LRRC4C: variants seen among roughly 807,000 people sequenced by gnomAD.
LRRC4C encodes leucine rich repeat containing 4C.
Under a neutral mutation model 33.6 loss-of-function variants are expected in LRRC4C, and 5 were observed. The observed-to-expected ratio is 0.15, with a 90% CI of 0.08 to 0.31. The LOEUF (loss-of-function observed/expected upper bound fraction) is 0.31, where lower values mean the gene tolerates loss of function less well. Among genes scored for constraint, LRRC4C ranks in the 10% least tolerant of loss-of-function variants. The pLI, the probability that LRRC4C is intolerant of heterozygous loss-of-function variation, is 1.00. For missense variants in LRRC4C, 560 were observed against 796.7 expected (o/e 0.70, Z 3.58); for synonymous variants, 329 against 302.0 (o/e 1.09, Z -0.93).
intron 3 of LRRC4C, among the ~76,000 whole-genome samples, chr11:40,382,850 T>C (rs1028491684): frequency 2.0e-5 from 3 of 151,780 alleles, no homozygotes; most frequent in Non-Finnish European, 2.9e-5. Flanking sequence ...CCCGCCACCA[T>C]GCCCAGCTAA....
At chr11:40,766,647 C>G (rs911349063) in intron 2 of LRRC4C, among the ~76,000 whole-genome samples, 2 of 151,996 alleles carry the variant, frequency 1.3e-5, no homozygotes, top group Non-Finnish European at 2.9e-5. Context: ...TATTAGATTT[C>G]TCTTTGACAC....
chr11:40,157,498 G>A (rs973556859), intron 5 of LRRC4C, among the ~76,000 whole-genome samples: 2 of 152,026 alleles, frequency 1.3e-5, no homozygotes, highest in African/African-American at 2.4e-5. Flanking sequence ...GAAAATCTTC[G>A]CAATCTATAC....
chr11:40,640,892 T>C (rs2136085592), intron 3 of LRRC4C, among the ~76,000 whole-genome samples: 1 of 151,822 alleles, frequency 6.6e-6, no homozygotes, highest in Middle Eastern at 3.4e-3. Context: ...GGCGGGCGCC[T>C]GTAGTCCCAG....
intron 2 of LRRC4C, among the ~76,000 whole-genome samples, chr11:40,772,086 A>G (rs1949780643): frequency 6.6e-6 from 1 of 152,174 alleles, no homozygotes; most frequent in South Asian, 2.1e-4. Context: ...TCACACTGCT[A>G]TAAAGAACTG....
chr11:40,395,419 C>T (rs1430901730), intron 3 of LRRC4C, among the ~76,000 whole-genome samples: 1 of 152,112 alleles, frequency 6.6e-6, no homozygotes, highest in Non-Finnish European at 1.5e-5. Flanking sequence ...CTCTCATGTA[C>T]ATCACCTTTC....
intron 1 of LRRC4C, among the ~76,000 whole-genome samples, chr11:41,362,190 T>A (rs192909553): frequency 6.6e-6 from 1 of 152,226 alleles, no homozygotes; most frequent in African/African-American, 2.4e-5. Context: ...ACTTGCAAAT[T>A]CAAGATCTCA....
At chr11:40,493,423 C>T (rs1954264297) in intron 3 of LRRC4C, among the ~76,000 whole-genome samples, 1 of 151,926 alleles carries the variant, frequency 6.6e-6, no homozygotes, top group Non-Finnish European at 1.5e-5. Flanking sequence ...AGTCCTAACA[C>T]AACAATCATA....
intron 3 of LRRC4C, among the ~76,000 whole-genome samples, chr11:40,554,851 A>G (rs1178600459): frequency 6.9e-6 from 1 of 144,710 alleles, no homozygotes; most frequent in African/African-American, 2.7e-5. Flanking sequence ...CCTCCCGAGT[A>G]GCTGGGACTA....
At chr11:41,218,123 A>C in intron 1 of LRRC4C, among the ~76,000 whole-genome samples, 1 of 128,448 alleles carries the variant, frequency 7.8e-6, no homozygotes, top group Middle Eastern at 3.8e-3. Context: ...ACAGACTATG[A>C]CTTCCTCAAG....
At chr11:40,320,314 T>G (rs185243378) in intron 3 of LRRC4C, among the ~76,000 whole-genome samples, 7 of 152,078 alleles carry the variant, frequency 4.6e-5, no homozygotes, top group Admixed American at 4.6e-4. Flanking sequence ...GACCATCCTG[T>G]CTAACACGGT....
At chr11:40,144,056 G>C (rs916383112) in intron 5 of LRRC4C, among the ~76,000 whole-genome samples, 13 of 152,124 alleles carry the variant, frequency 8.5e-5, no homozygotes, top group African/African-American at 3.1e-4. Context: ...TATCATCAGA[G>C]ATAGTCATTT....
chr11:41,205,679 A>G (rs117261381), intron 1 of LRRC4C, among the ~76,000 whole-genome samples: 1 of 152,166 alleles, frequency 6.6e-6, no homozygotes, highest in Non-Finnish European at 1.5e-5. Flanking sequence ...AACAAAAAAA[A>G]CTTATAATAA....
At chr11:41,179,905 G>C (rs1034784184) in intron 1 of LRRC4C, among the ~76,000 whole-genome samples, 1 of 151,952 alleles carries the variant, frequency 6.6e-6, no homozygotes, top group Non-Finnish European at 1.5e-5. Flanking sequence ...CTAGACATCA[G>C]GGTCAACAGA....
chr11:41,181,263 G>C (rs577725514), intron 1 of LRRC4C, among the ~76,000 whole-genome samples: 20 of 152,144 alleles, frequency 1.3e-4, no homozygotes, highest in Middle Eastern at 3.4e-3. Context: ...TACCAAAATG[G>C]ATATTAGATT....
intron 3 of LRRC4C, among the ~76,000 whole-genome samples, chr11:40,571,414 A>T (rs962336899): frequency 6.6e-6 from 1 of 152,152 alleles, no homozygotes; most frequent in Admixed American, 6.5e-5. Flanking sequence ...CTGTCATAGA[A>T]CAGAATTCCT....
intron 1 of LRRC4C, among the ~76,000 whole-genome samples, chr11:41,080,701 A>T (rs966301164): frequency 3.3e-5 from 5 of 152,182 alleles, no homozygotes; most frequent in South Asian, 2.1e-4. Flanking sequence ...ATTTCAAAAA[A>T]AATTATCACT....
intron 1 of LRRC4C, among the ~76,000 whole-genome samples, chr11:41,186,160 A>C (rs1196651079): frequency 6.6e-6 from 1 of 152,156 alleles, no homozygotes; most frequent in East Asian, 1.9e-4. Context: ...GATGAAGCCA[A>C]AAAAAGGAGA....
At chr11:40,552,351 G>A (rs981313909) in intron 3 of LRRC4C, among the ~76,000 whole-genome samples, 3 of 152,150 alleles carry the variant, frequency 2.0e-5, no homozygotes, top group African/African-American at 7.2e-5. Flanking sequence ...GTGGGAATTC[G>A]AACCCAGTTG....
At chr11:41,252,486 A>T (rs1591068057) in intron 1 of LRRC4C, among the ~76,000 whole-genome samples, 1 of 152,208 alleles carries the variant, frequency 6.6e-6, no homozygotes. Context: ...CGGACCCAAT[A>T]GTCAGGAGGA....
Sources: allele counts gnomAD v4.1 joint callset (sites outside exome capture counted in the v4.1 genomes callset), GRCh38; gene constraint gnomAD v4.1.1; transcripts MANE v1.5; gene names NCBI Gene and HGNC (gene_info 2026-07-23, HGNC 2026-07-21).